CSMD3: variants seen among roughly 807,000 people sequenced by gnomAD.
CSMD3 encodes the protein CUB and sushi domain-containing protein 3.
A neutral mutation model predicts 435.2 loss-of-function variants in CSMD3; 177 were observed. The observed-to-expected ratio is 0.41, with a 90% CI of 0.36 to 0.46. The LOEUF is 0.46. CSMD3 is among the 20% of genes least tolerant of loss of function. CSMD3 has a pLI of 0.34. For missense variants in CSMD3, 4,265 were observed against 4,504.6 expected, an observed-to-expected ratio of 0.95 and a Z score of 1.52; for synonymous variants, 1,656 against 1,520.5, an observed-to-expected ratio of 1.09 and a Z score of -2.07.
intron 16 of CSMD3, among the ~76,000 whole-genome samples, chr8:112,671,822 A>G (rs2075663066): frequency 6.6e-6 from 1 of 152,164 alleles, no homozygotes; most frequent in African/African-American, 2.4e-5. Flanking sequence ...TAGTGAAGAC[A>G]GAAATAGATG....
chr8:113,344,242 C>T (rs118047285), intron 1 of CSMD3, among the ~76,000 whole-genome samples: 261 of 152,118 alleles, frequency 1.7e-3, no homozygotes, highest in Non-Finnish European at 3.0e-3. Context: ...TAGCTCTGGT[C>T]CATTTATAAC....
At chr8:112,806,416 AT>A (rs1171332186) in intron 12 of CSMD3, among the ~76,000 whole-genome samples, 3 of 152,162 alleles carry the variant, frequency 2.0e-5, no homozygotes, top group Admixed American at 6.5e-5. Flanking sequence ...TGGAAGTAGC[AT>A]ATAAACTTTT....
intron 45 of CSMD3, among the ~76,000 whole-genome samples, chr8:112,321,650 T>A (rs2130877561): frequency 6.6e-6 from 1 of 152,270 alleles, no homozygotes; most frequent in East Asian, 1.9e-4. Context: ...AATGTAGATC[T>A]ACAGTGATGA....
chr8:112,697,862 G>A (rs2076294288), intron 13 of CSMD3, among the ~76,000 whole-genome samples: 2 of 152,118 alleles, frequency 1.3e-5, no homozygotes, highest in African/African-American at 4.8e-5. Context: ...AGACTGCACA[G>A]AAGAGGTAAC....
At chr8:113,102,000 A>C (rs746265638) in intron 4 of CSMD3, among the ~76,000 whole-genome samples, 23 of 152,136 alleles carry the variant, frequency 1.5e-4, no homozygotes, top group Non-Finnish European at 3.2e-4. Context: ...AAGAACTTAT[A>C]GTGGATTTGG....
intron 4 of CSMD3, among the ~76,000 whole-genome samples, chr8:113,104,993 A>C (rs1354604084): frequency 6.6e-6 from 1 of 152,144 alleles, no homozygotes; most frequent in African/African-American, 2.4e-5. Flanking sequence ...GAAAGTAATT[A>C]ATAAGTATGT....
chr8:113,417,426 A>G (rs2094586913), intron 1 of CSMD3, among the ~76,000 whole-genome samples: 1 of 152,006 alleles, frequency 6.6e-6, no homozygotes, highest in South Asian at 2.1e-4. Context: ...ATGATGGTAA[A>G]AAACAAAGTC....
chr8:112,985,262 A>G (rs1277080359), intron 6 of CSMD3, among the ~76,000 whole-genome samples: 4 of 152,082 alleles, frequency 2.6e-5, no homozygotes, highest in African/African-American at 9.7e-5. Flanking sequence ...ATAAAATAAC[A>G]TTTTAGTCAG....
chr8:112,820,057 CT>C (rs2079486189), intron 12 of CSMD3, among the ~76,000 whole-genome samples: 1 of 152,086 alleles, frequency 6.6e-6, no homozygotes, highest in Non-Finnish European at 1.5e-5. Flanking sequence ...TATCCAATCC[CT>C]CTAGCCTCAT....
chr8:113,254,124 A>T (rs2093359487), intron 3 of CSMD3, among the ~76,000 whole-genome samples: 1 of 152,160 alleles, frequency 6.6e-6, no homozygotes, highest in Non-Finnish European at 1.5e-5. Context: ...GAGTGTCTAT[A>T]ATTTTCTCAA....
chr8:113,420,705 C>T (rs1187545833), intron 1 of CSMD3, among the ~76,000 whole-genome samples: 2 of 151,778 alleles, frequency 1.3e-5, no homozygotes, highest in Admixed American at 6.6e-5. Flanking sequence ...CCCAGCATTT[C>T]GGGAGGCGGA....
chr8:113,259,848 G>A (rs2093412821), intron 3 of CSMD3, among the ~76,000 whole-genome samples: 1 of 152,110 alleles, frequency 6.6e-6, no homozygotes, highest in African/African-American at 2.4e-5. Flanking sequence ...TGGTTTGGCT[G>A]TGTCCCCACC....
intron 1 of CSMD3, among the ~76,000 whole-genome samples, chr8:113,387,997 A>G (rs950739599): frequency 2.1e-4 from 32 of 151,696 alleles, no homozygotes; most frequent in African/African-American, 7.7e-4. Context: ...ATATTGTGGC[A>G]TATTCATCTA....
In CSMD3 at chr8:112,257,960, C is replaced by T. The variant is rs189101324; in HGVS notation, c.9863-2533G>A. Among the ~76,000 whole-genome samples the T allele has an allele frequency of 1.8e-4, 27 of 152,182 alleles. No individual in the cohort carries two copies. In the East Asian group the frequency reaches 5.0e-3, roughly 28 times the overall value. On this transcript the variant is annotated intron_variant, in intron 61 of 70. Coordinates refer to ENST00000297405, the MANE Select transcript of CSMD3 (RefSeq NM_198123.2). ...ATAGACCAATGGAACAGAACAGAGG[C>T]CTCAGAAATAACACCACACATCTAC...
chr8:112,308,021 G>A lies in CSMD3; in HGVS notation c.7886-1829C>T, dbSNP rs1258047678. On this transcript the variant is annotated intron_variant, in intron 50 of 70. Transcript: ENST00000297405. ...TTTACAAAACTGTCAAAACTGAATG[G>A]CAGAATCCCTACTGCTGAATAATTG... 2.0e-5 allele frequency among the ~76,000 whole-genome samples: 3 copies of A among 152,182 alleles called. No individual in the cohort carries two copies. In the East Asian group the frequency reaches 5.8e-4, roughly 29 times the overall value.
intron 13 of CSMD3, among the ~76,000 whole-genome samples, chr8:112,693,731 T>C (rs1294932549): frequency 6.6e-6 from 1 of 151,992 alleles, no homozygotes; most frequent in African/African-American, 2.4e-5. Flanking sequence ...TCCTTTAAAA[T>C]GTTGTTTATT....
At chr8:113,317,765 C>T (rs1319581277) in intron 1 of CSMD3, among the ~76,000 whole-genome samples, 1 of 151,982 alleles carries the variant, frequency 6.6e-6, no homozygotes, top group African/African-American at 2.4e-5. Flanking sequence ...CTTACTAGGC[C>T]TTTCCTAGGC....
intron 1 of CSMD3, among the ~76,000 whole-genome samples, chr8:113,353,866 C>T (rs542651132): frequency 3.3e-5 from 5 of 151,998 alleles, no homozygotes; most frequent in African/African-American, 1.2e-4. Flanking sequence ...TTAAGAATTA[C>T]TTCATTTCTT....
rs567046516 is a variant in CSMD3 at position 112,346,411 on chromosome 8, A to ACATCCTT, written c.6326-205_6326-199dup. The stretch of plus-strand genomic sequence containing the variant: ...TTTTCTAAAACAGCATAAAAAGACA[A>ACATCCTT]CATCCTTCCTTCCTCAGAAATAAGT... On this transcript the variant is annotated intron_variant, in intron 40 of 70. Transcript: ENST00000297405. Among the ~76,000 whole-genome samples the ACATCCTT allele has an allele frequency of 9.7e-3, 1,471 of 152,300 alleles. 8 individuals carry two copies. Among genetic ancestry groups the ACATCCTT allele is most frequent in the Non-Finnish European group, 0.013 (891 of 68,028 alleles).
Sources: gnomAD v4.1 joint callset for allele counts (sites outside exome capture counted in the v4.1 genomes callset) on GRCh38, gnomAD v4.1.1 for gene constraint, MANE v1.5 for transcripts, NCBI Gene and HGNC (gene_info 2026-07-23, HGNC 2026-07-21) for gene names.